TTC7B: variants seen among roughly 807,000 people sequenced by gnomAD.
TTC7B encodes the protein tetratricopeptide repeat protein 7B.
In TTC7B, 28 loss-of-function variants were observed where a neutral mutation model predicts 106.8. The observed-to-expected ratio is 0.26, with a 90% confidence interval of 0.19 to 0.36. The LOEUF is 0.36. Among genes scored for constraint, TTC7B ranks in the 10% least tolerant of loss-of-function variants. The pLI is 1.00. For synonymous variants in TTC7B, 405 were observed against 430.6 expected (o/e 0.94, Z 0.74); for missense variants, 862 against 1,076.4 (o/e 0.80, Z 2.79).
intron 13 of TTC7B, among the ~76,000 whole-genome samples, chr14:90,648,001 G>C (rs1033640994): frequency 6.6e-6 from 1 of 152,076 alleles, no homozygotes; most frequent in Non-Finnish European, 1.5e-5. Flanking sequence ...TTCAACTGTG[G>C]CAAACAGGCC....
At chr14:90,761,096 C>T (rs978106583) in intron 3 of TTC7B, among the ~76,000 whole-genome samples, 3 of 152,180 alleles carry the variant, frequency 2.0e-5, no homozygotes, top group Non-Finnish European at 4.4e-5. Context: ...TATTCCTGGG[C>T]TTAGGTCAAG....
intron 11 of TTC7B, among the ~76,000 whole-genome samples, chr14:90,655,533 ATTTAGGC>A (rs1485846643): frequency 6.6e-6 from 1 of 152,170 alleles, no homozygotes; most frequent in Non-Finnish European, 1.5e-5. Flanking sequence ...TAAAGAATCC[ATTTAGGC>A]TTGGATTCTC....
In TTC7B at chr14:90,786,287, G is replaced by C. The variant is rs765185806; in HGVS notation, c.163C>G (p.Gln55Glu). 4.3e-6 allele frequency: 7 copies of C among 1,613,306 alleles called. No individual in the cohort carries two copies. In the Admixed American group the frequency reaches 8.3e-5, roughly 19 times the overall value. Residue 55 changes from glutamine (Q) to glutamate (E), a missense_variant, in exon 2 of 20, where the codon CAG becomes GAG. Transcript: ENST00000328459. ...CTCAGGGGGTGTTCCTTCAGGTACTGCTCCAGCTTCGACTCCCCGAGGAGA... is the reference window on the plus strand; with the variant it reads ...CTCAGGGGGTGTTCCTTCAGGTACTCCTCCAGCTTCGACTCCCCGAGGAGA... The part of the protein sequence containing the change: ...ELLLGESKLE[Q>E]YLKEHPLRQG...
At chr14:90,658,280 C>T in intron 10 of TTC7B, 24 bp downstream of exon 10, 2 of 1,605,492 alleles carry the variant, frequency 1.2e-6, no homozygotes, top group Non-Finnish European at 1.7e-6. Flanking sequence ...GCATAAAAAA[C>T]TGCCCATCAC....
chr14:90,691,556 G>T (rs1231032998), intron 6 of TTC7B, among the ~76,000 whole-genome samples: 2 of 152,210 alleles, frequency 1.3e-5, no homozygotes, highest in Non-Finnish European at 2.9e-5. Context: ...TAGTTTAAAT[G>T]CATCCAATTG....
chr14:90,780,639 T>TTCA (rs1184988634), intron 3 of TTC7B, 99 bp downstream of exon 3: 11 of 1,401,814 alleles, frequency 7.8e-6, no homozygotes, highest in Non-Finnish European at 1.1e-5. Flanking sequence ...AACTGCCAGG[T>TTCA]TCATCACCAG....
rs1259819811 is a variant in TTC7B, at chr14:90,536,706, G to A, written c.*4662C>T. 1 of 152,318 alleles carries A rather than the reference G, an allele frequency of 6.6e-6. No homozygotes were observed. Among genetic ancestry groups the A allele is most frequent in the African/African-American group, 2.4e-5 (1 of 41,418 alleles). 9.4% of individuals were successfully genotyped at this position (152,318 alleles called of 1,614,324 possible). A position where few individuals can be genotyped will look rare whatever the true frequency, so the allele number is the denominator to read the frequency against. On this transcript the variant is annotated 3_prime_UTR_variant, in exon 20 of 20. Coordinates refer to ENST00000328459, the MANE Select transcript of TTC7B (RefSeq NM_001010854.2). ...CACGCCCCTTGGTCTAAGCACCATG[G>A]TCGCTGTGTGACAGCAGGAGCCTGA...
chr14:90,578,378 T>C lies in TTC7B; in HGVS notation c.2108-70A>G. On this transcript the variant is annotated intron_variant, in intron 18 of 19. Transcript: ENST00000328459. The surrounding 1 kb of genome is among the most constrained non-coding windows in gnomAD (Gnocchi z 4.7). ...GAGGCCCTGCGAGCAGCCACCACTCTGATGTTCGTGTTCCCTGCACGGGAG... is the reference window on the plus strand; with the variant it reads ...GAGGCCCTGCGAGCAGCCACCACTCCGATGTTCGTGTTCCCTGCACGGGAG... 1.3e-6 allele frequency: 2 copies of C among 1,494,210 alleles called. No homozygotes were observed. Among genetic ancestry groups the C allele is most frequent in the South Asian group, 2.4e-5 (2 of 83,922 alleles). The allele number at this position is 1,494,210 out of a possible 1,614,324, so 92.6% of individuals were successfully genotyped here.
intron 15 of TTC7B, among the ~76,000 whole-genome samples, chr14:90,631,570 G>A (rs901816180): frequency 2.6e-5 from 4 of 151,404 alleles, no homozygotes; most frequent in Non-Finnish European, 4.4e-5. Flanking sequence ...TACCACACCC[G>A]GCTAATTTTT....
At chr14:90,683,881 T>G (rs8021616) in intron 7 of TTC7B, among the ~76,000 whole-genome samples, 28,826 of 152,190 alleles carry the variant, frequency 0.19, 2,889 homozygotes, top group Middle Eastern at 0.3. Flanking sequence ...CAAGAAGTCA[T>G]CCTGACCCTT....
chr14:90,580,324 T>C (rs182940753), intron 18 of TTC7B, among the ~76,000 whole-genome samples: 80 of 152,342 alleles, frequency 5.3e-4, no homozygotes, highest in Middle Eastern at 3.4e-3. Context: ...TTTATCTACA[T>C]GGTGATCCAG....
At chr14:90,646,014 A>G (rs770049407) in intron 14 of TTC7B, among the ~76,000 whole-genome samples, 18 of 152,210 alleles carry the variant, frequency 1.2e-4, no homozygotes, top group African/African-American at 3.1e-4. Context: ...CAGATGGTCA[A>G]TCAATGCCCA....
rs374314608 is a variant in TTC7B, at chr14:90,644,273, ACACACACG to A, written c.1591-73_1591-66del. The A allele has an allele frequency of 2.9e-3, 3,787 of 1,300,718 alleles. 66 individuals are homozygous for A. The African/African-American group carries it at 0.051, about 18-fold the overall frequency. The allele number at this position is 1,300,718 out of a possible 1,614,324, so 80.6% of individuals were successfully genotyped here. ...CATGCACACGCACACACACACACAC[ACACACACG>A]CGCGAAAGAAGCCATCTTTTCAATG... On this transcript the variant is annotated intron_variant, in intron 14 of 19. Coordinates refer to ENST00000328459, the MANE Select transcript of TTC7B (RefSeq NM_001010854.2).
intron 19 of TTC7B, among the ~76,000 whole-genome samples, chr14:90,558,591 A>C (rs1406197278): frequency 6.6e-6 from 1 of 152,226 alleles, no homozygotes; most frequent in Non-Finnish European, 1.5e-5. Flanking sequence ...AAATGATAAA[A>C]CACCTTCTGA....
At position 90,721,892 on chromosome 14, in the gene TTC7B, T is replaced by C. The variant is rs540556100; in HGVS notation, c.698+8183A>G. On this transcript the variant is annotated intron_variant, in intron 5 of 19. Transcript: ENST00000328459. ...TAGTAAGGGTCTCCATCAATGTTTG[T>C]TGAATAATTAGTGAACAGGATTTCT... is the stretch of plus-strand genomic sequence containing the variant. Among the ~76,000 whole-genome samples, 3 of 152,362 alleles carry C rather than the reference T, an allele frequency of 2.0e-5. No homozygotes were observed. In the South Asian group the frequency reaches 6.2e-4, roughly 32 times the overall value.
intron 1 of TTC7B, among the ~76,000 whole-genome samples, chr14:90,789,875 A>C (rs145346558): frequency 6.6e-6 from 1 of 150,904 alleles, no homozygotes; most frequent in Non-Finnish European, 1.5e-5. Context: ...CAGCCTGGGC[A>C]ACAGAGCGAG....
rs1271178848 is a variant in TTC7B, at chr14:90,537,525, A to C, written c.*3843T>G. 2 of 152,184 alleles carry C rather than the reference A, an allele frequency of 1.3e-5. No individual in the cohort carries two copies. Among genetic ancestry groups the C allele is most frequent in the African/African-American group, 4.8e-5 (2 of 41,396 alleles). The allele number at this position is 152,184 out of a possible 1,614,324, so 9.4% of individuals were successfully genotyped here. ...TAATTTGCTGCAACCACAGGCAATT[A>C]ATATACACTGTTAGCATGGTCCACG... On this transcript the variant is annotated 3_prime_UTR_variant, in exon 20 of 20. Coordinates refer to ENST00000328459, the MANE Select transcript of TTC7B (RefSeq NM_001010854.2).
At chr14:90,626,511 C>T (rs1884448415) in intron 15 of TTC7B, among the ~76,000 whole-genome samples, 1 of 152,166 alleles carries the variant, frequency 6.6e-6, no homozygotes, top group Non-Finnish European at 1.5e-5. Context: ...TACTGTCACC[C>T]CCATAAAGGG....
intron 1 of TTC7B, among the ~76,000 whole-genome samples, chr14:90,790,472 C>T (rs557209802): frequency 1.3e-5 from 2 of 151,994 alleles, no homozygotes; most frequent in Non-Finnish European, 2.9e-5. Context: ...GATTTAAACC[C>T]AAATTTGTCA....
Sources: allele counts gnomAD v4.1 joint callset (sites outside exome capture counted in the v4.1 genomes callset), GRCh38; gene constraint gnomAD v4.1.1; non-coding constraint Gnocchi (gnomAD v3.1); transcripts MANE v1.5; gene names NCBI Gene and HGNC (gene_info 2026-07-23, HGNC 2026-07-21).